ANKRD17: variants seen among roughly 807,000 people sequenced by gnomAD.
The protein encoded by ANKRD17 is ankyrin repeat domain 17.
ANKRD17 carries 19 observed loss-of-function variants against 229.7 expected under a neutral mutation model. The observed-to-expected ratio is 0.08, with a 90% CI of 0.06 to 0.12. The LOEUF (loss-of-function observed/expected upper bound fraction) is 0.12. Ranked by LOEUF, ANKRD17 falls within the 10% of genes least tolerant of loss-of-function variation. The probability of loss-of-function intolerance (pLI) is 1.00; values close to 1 mark genes in which losing one functional copy is unlikely to be tolerated. For synonymous variants in ANKRD17, 1,112 were observed against 1,146.1 expected, an observed-to-expected ratio of 0.97 and a Z score of 0.60; for missense variants, 2,176 against 3,176.8, an observed-to-expected ratio of 0.68 and a Z score of 7.57.
chr4:73,246,462 G>T (rs1744509588), intron 1 of ANKRD17, among the ~76,000 whole-genome samples: 1 of 152,116 alleles, frequency 6.6e-6, no homozygotes. Context: ...ATGGGACTTT[G>T]AATTGATTCT....
At chr4:73,121,133 T>A (rs766554711) in intron 19 of ANKRD17, 39 bp from the exon 20 acceptor site, 2 of 1,523,058 alleles carry the variant, frequency 1.3e-6, no homozygotes, top group East Asian at 2.3e-5. Flanking sequence ...TGGAAAAATA[T>A]ATATTTTAAA....
At chr4:73,207,504 AGC>A (rs1482958350) in intron 1 of ANKRD17, among the ~76,000 whole-genome samples, 1 of 152,212 alleles carries the variant, frequency 6.6e-6, no homozygotes, top group Non-Finnish European at 1.5e-5. Flanking sequence ...AAAAGGCAAG[AGC>A]TATCGACATG....
chr4:73,094,940 G>A lies in ANKRD17; in HGVS notation c.5178-712C>T, dbSNP rs201191175. Among the ~76,000 whole-genome samples the A allele has an allele frequency of 3.3e-5, 5 of 152,218 alleles. No individual in the cohort carries two copies. In the East Asian group the frequency reaches 9.7e-4, roughly 30 times the overall value. On this transcript the variant is annotated intron_variant, in intron 27 of 33. Coordinates refer to ENST00000358602, the MANE Select transcript of ANKRD17 (RefSeq NM_032217.5). ...AATCCCAGCACTTTGGGAGGCCAAG[G>A]CAGGCAGATCACTTTATGTCAGGAG...
At chr4:73,151,662 C>CCT in intron 6 of ANKRD17, 138 bp from the exon 7 acceptor site, 1 of 572,994 alleles carries the variant, frequency 1.7e-6, no homozygotes, top group Non-Finnish European at 2.8e-6. Flanking sequence ...TAGAAGCCAC[C>CCT]CTCAATTGTA....
intron 25 of ANKRD17, chr4:73,101,102 A>C: frequency 1.2e-6 from 1 of 846,092 alleles, no homozygotes; most frequent in Non-Finnish European, 1.4e-6. Context: ...TTTTATGCAA[A>C]TATTACACCA....
chr4:73,110,375 T>C (rs1725163995), intron 24 of ANKRD17, among the ~76,000 whole-genome samples: 1 of 152,236 alleles, frequency 6.6e-6, no homozygotes, highest in Non-Finnish European at 1.5e-5. Flanking sequence ...TTGTAGAGAC[T>C]GGGTCTCACT....
chr4:73,105,515 C>T (rs979388352), intron 24 of ANKRD17, among the ~76,000 whole-genome samples: 92 of 151,714 alleles, frequency 6.1e-4, no homozygotes, highest in African/African-American at 2.1e-3. Context: ...AAAAGGAAGG[C>T]CAGATCAACA....
chr4:73,137,942 C>T (rs914908577), intron 15 of ANKRD17, among the ~76,000 whole-genome samples: 2 of 151,982 alleles, frequency 1.3e-5, no homozygotes, highest in Admixed American at 6.6e-5. Context: ...ACTATGCATG[C>T]CCAAGCACAT....
rs1721268812 is a variant in ANKRD17, at chr4:73,078,855, C to T, written c.7195G>A (p.Ala2399Thr). Residue 2399 changes from alanine to threonine, a missense_variant, in exon 31 of 34, where the codon GCA becomes ACA. Physicochemically the swap from Ala to Thr is moderately conservative, Grantham distance 58. Around this residue, in one of 18 missense-constraint regions of ANKRD17, gnomAD observed 87 missense variants for 116.0 expected, o/e 0.75. Transcript: ENST00000358602. ...SAQSVSSGVR[A>T]PSPAPSSVPL... ...ACTGATGATGGGGCAGGAGATGGTG[C>T]ACGAACTCCCGAGGATACTGACTGT... is the stretch of plus-strand genomic sequence containing the variant. The T allele has an allele frequency of 1.2e-6, 2 of 1,614,100 alleles. No individual in the cohort carries two copies. Among genetic ancestry groups the T allele is most frequent in the East Asian group, 2.2e-5 (1 of 44,874 alleles).
intron 2 of ANKRD17, among the ~76,000 whole-genome samples, chr4:73,165,496 G>A (rs911614987): frequency 2.0e-5 from 3 of 152,178 alleles, no homozygotes; most frequent in Admixed American, 6.5e-5. Flanking sequence ...AATTATGGTA[G>A]CTGGGTTAAT....
At chr4:73,209,232 G>T (rs1477307405) in intron 1 of ANKRD17, among the ~76,000 whole-genome samples, 1 of 151,532 alleles carries the variant, frequency 6.6e-6, no homozygotes, top group Non-Finnish European at 1.5e-5. Context: ...ACAAAACAAA[G>T]AAAAACAAAA....
At chr4:73,228,007 G>A (rs999492432) in intron 1 of ANKRD17, among the ~76,000 whole-genome samples, 3 of 151,958 alleles carry the variant, frequency 2.0e-5, no homozygotes, top group African/African-American at 7.3e-5. Context: ...ACAACTGGTG[G>A]TAGGAAAAAT....
intron 1 of ANKRD17, among the ~76,000 whole-genome samples, chr4:73,220,653 C>G (rs1741724907): frequency 1.3e-5 from 2 of 151,924 alleles, no homozygotes; most frequent in South Asian, 4.2e-4. Context: ...AATAAGAGTA[C>G]CTTTAAGAAG....
intron 12 of ANKRD17, 75 bp downstream of exon 12, chr4:73,142,565 T>C: frequency 6.2e-7 from 1 of 1,608,124 alleles, no homozygotes; most frequent in Non-Finnish European, 8.5e-7. Context: ...ATGGAACTTG[T>C]ACATGATATG....
At chr4:73,188,024 A>G (rs1279973018) in intron 1 of ANKRD17, among the ~76,000 whole-genome samples, 1 of 152,152 alleles carries the variant, frequency 6.6e-6, no homozygotes, top group African/African-American at 2.4e-5. Context: ...ACAAACAGAG[A>G]AAAGTCTTTA....
At chr4:73,147,185 C>A in intron 9 of ANKRD17, 56 bp downstream of exon 9, 3 of 1,432,426 alleles carry the variant, frequency 2.1e-6, no homozygotes, top group Non-Finnish European at 1.9e-6. Context: ...TGCATTATGA[C>A]ATTTTTACTT....
intron 1 of ANKRD17, among the ~76,000 whole-genome samples, chr4:73,220,532 T>C (rs1297111468): frequency 3.9e-5 from 6 of 152,134 alleles, no homozygotes; most frequent in Non-Finnish European, 1.5e-5. Flanking sequence ...AACTTAAATA[T>C]ATGTGGGCAT....
chr4:73,186,836 A>T (rs1485537016), intron 1 of ANKRD17, among the ~76,000 whole-genome samples: 2 of 152,188 alleles, frequency 1.3e-5, no homozygotes, highest in East Asian at 3.8e-4. Context: ...TCCCAAAATT[A>T]CTTATCAATA....
chr4:73,236,785 C>T (rs181033417), intron 1 of ANKRD17, among the ~76,000 whole-genome samples: 1 of 152,116 alleles, frequency 6.6e-6, no homozygotes, highest in Non-Finnish European at 1.5e-5. Context: ...TGTAGATTAC[C>T]TCCATTCTTT....
Sources: gnomAD v4.1 joint callset for allele counts (sites outside exome capture counted in the v4.1 genomes callset) on GRCh38, gnomAD v4.1.1 for gene constraint, gnomAD v4.1.1 regional missense constraint, MANE v1.5 for transcripts, NCBI Gene and HGNC (gene_info 2026-07-23, HGNC 2026-07-21) for gene names.